The following NPAS3 variants were observed in gnomAD, a reference collection of about 807,000 sequenced individuals.
NPAS3 encodes neuronal PAS domain protein 3, also known as neuronal PAS domain-containing protein 3.
In NPAS3, 14 loss-of-function variants were observed where a neutral mutation model predicts 73.1. The observed-to-expected ratio is 0.19, with a 90% CI of 0.13 to 0.30. The LOEUF is 0.30. Ranked by LOEUF, NPAS3 falls within the 10% of genes least tolerant of loss-of-function variation. NPAS3 has a pLI of 1.00. For missense variants in NPAS3, 1,096 were observed against 1,250.0 expected (o/e 0.88, Z 1.86); for synonymous variants, 620 against 541.5 (o/e 1.14, Z -2.01).
exon 6 of NPAS3, chr14:33,676,324 C>G: frequency 6.2e-7 from 1 of 1,611,786 alleles, no homozygotes; most frequent in Admixed American, 1.7e-5. Context: ...TGTCACAGGG[C>G]ACTGCTGAGG....
intron 1 of NPAS3, among the ~76,000 whole-genome samples, chr14:32,998,171 A>G (rs980947651): frequency 5.9e-5 from 9 of 152,248 alleles, no homozygotes; most frequent in Non-Finnish European, 1.2e-4. Context: ...TGTGTTATAA[A>G]TGTACACTGG....
intron 9 of NPAS3, among the ~76,000 whole-genome samples, chr14:33,782,143 C>A (rs1037979659): frequency 2.0e-5 from 3 of 152,168 alleles, no homozygotes; most frequent in Admixed American, 2.0e-4. Context: ...CATTTAAAAC[C>A]AATTTCACCA....
chr14:33,609,568 G>T (rs1431035916), intron 5 of NPAS3, among the ~76,000 whole-genome samples: 1 of 151,702 alleles, frequency 6.6e-6, no homozygotes, highest in Non-Finnish European at 1.5e-5. Flanking sequence ...ACTGATGAAA[G>T]CAAACTAAGG....
intron 4 of NPAS3, among the ~76,000 whole-genome samples, chr14:33,439,304 T>C (rs554269569): frequency 2.0e-5 from 3 of 152,348 alleles, no homozygotes; most frequent in African/African-American, 7.2e-5. Flanking sequence ...GGACGTTTCA[T>C]ACTGTTCCCA....
intron 7 of NPAS3, among the ~76,000 whole-genome samples, chr14:33,746,171 T>TTTATTTA (rs747188281): frequency 5.1e-4 from 74 of 144,456 alleles, no homozygotes; most frequent in African/African-American, 1.8e-3. Flanking sequence ...TTTTATTTTA[T>TTTATTTA]TTTATTTATT....
At chr14:33,493,318 C>T (rs1231798065) in intron 4 of NPAS3, among the ~76,000 whole-genome samples, 7 of 149,980 alleles carry the variant, frequency 4.7e-5, no homozygotes, top group Non-Finnish European at 1.0e-4. Flanking sequence ...TGTTTGCTCT[C>T]TTAGTCTTTT....
chr14:33,490,523 G>C (rs1374386838), intron 4 of NPAS3, among the ~76,000 whole-genome samples: 1 of 152,284 alleles, frequency 6.6e-6, no homozygotes, highest in East Asian at 1.9e-4. Flanking sequence ...CTTGTTCAGA[G>C]ATGGTTAGAT....
At chr14:33,794,321 C>G (rs2063449271) in intron 10 of NPAS3, among the ~76,000 whole-genome samples, 1 of 152,178 alleles carries the variant, frequency 6.6e-6, no homozygotes, top group South Asian at 2.1e-4. Flanking sequence ...TTGGTTTTCC[C>G]ACAAATGCTT....
At chr14:33,653,688 A>G (rs1226297800) in intron 5 of NPAS3, among the ~76,000 whole-genome samples, 6 of 152,226 alleles carry the variant, frequency 3.9e-5, no homozygotes, top group Non-Finnish European at 7.3e-5. Context: ...AGGACTCACA[A>G]TCGTGAAGGT....
chr14:33,127,190 C>T (rs551208308), intron 2 of NPAS3, among the ~76,000 whole-genome samples: 15 of 151,886 alleles, frequency 9.9e-5, no homozygotes, highest in African/African-American at 3.1e-4. Flanking sequence ...TTTTTGCCAC[C>T]GTTGTCTTGT....
chr14:33,628,777 G>A (rs1304427863), intron 5 of NPAS3, among the ~76,000 whole-genome samples: 1 of 152,134 alleles, frequency 6.6e-6, no homozygotes, highest in Admixed American at 6.5e-5. Context: ...CCTTAAGCCT[G>A]GGCTCCTGGG....
intron 3 of NPAS3, among the ~76,000 whole-genome samples, chr14:33,292,690 A>C (rs1445236443): frequency 1.3e-5 from 2 of 152,176 alleles, no homozygotes; most frequent in Admixed American, 6.6e-5. Context: ...AAACAGATAA[A>C]GTAGAACTTC....
intron 1 of NPAS3, among the ~76,000 whole-genome samples, chr14:33,027,026 T>A (rs184446283): frequency 1.3e-3 from 196 of 152,266 alleles, no homozygotes; most frequent in Non-Finnish European, 2.3e-3. Context: ...GTGATGTGCT[T>A]CATGCCCTTC....
At position 33,523,534 on chromosome 14, in the gene NPAS3, A is replaced by G. The variant is rs193077539; in HGVS notation, c.469-36587A>G. Among the ~76,000 whole-genome samples the G allele has an allele frequency of 7.0e-3, 1,060 of 151,544 alleles. 43 individuals carry two copies. The highest frequency in any genetic ancestry group is 0.063 in the Admixed American group (959 of 15,206). On this transcript the variant is annotated intron_variant, in intron 4 of 11. Transcript: ENST00000356141. ...TCCCAGCACTTTGGGAGGCTGAGGC[A>G]GATGGATCACCTGAGGTCAGGAGTT...
At chr14:33,007,607 G>A (rs553822350) in intron 1 of NPAS3, among the ~76,000 whole-genome samples, 1 of 152,278 alleles carries the variant, frequency 6.6e-6, no homozygotes, top group South Asian at 2.1e-4. Flanking sequence ...TTGGTTTTTA[G>A]AAGCAAGTGC....
At chr14:33,055,664 T>TAA (rs531313481) in intron 1 of NPAS3, among the ~76,000 whole-genome samples, 92 of 145,758 alleles carry the variant, frequency 6.3e-4, no homozygotes, top group African/African-American at 2.2e-3. Flanking sequence ...CTCTGAGATT[T>TAA]AAAAAAAAAA....
rs111878878 is a variant in NPAS3, at chr14:33,465,763, T to C, written c.469-94358T>C. Among the ~76,000 whole-genome samples the C allele has an allele frequency of 3.5e-3, 540 of 152,282 alleles. 1 individual carries two copies. The highest frequency in any genetic ancestry group is 0.013 in the African/African-American group (524 of 41,554). On this transcript the variant is annotated intron_variant, in intron 4 of 11. Transcript: ENST00000356141. ...CAAAACATGCCTTTGATATTCAATT[T>C]ATTTATATTTTCCCTTGCTTTAATT...
At chr14:33,262,251 T>A (rs1223155776) in intron 3 of NPAS3, among the ~76,000 whole-genome samples, 1 of 152,212 alleles carries the variant, frequency 6.6e-6, no homozygotes, top group African/African-American at 2.4e-5. Flanking sequence ...AACTTTTGCC[T>A]AATTTTGTGT....
At chr14:33,747,964 G>A (rs1183042697) in intron 7 of NPAS3, among the ~76,000 whole-genome samples, 1 of 152,022 alleles carries the variant, frequency 6.6e-6, no homozygotes, top group Non-Finnish European at 1.5e-5. Context: ...GCTCCTTACT[G>A]TTCTTCATCA....
Sources: gnomAD v4.1 joint callset for allele counts (sites outside exome capture counted in the v4.1 genomes callset) on GRCh38, gnomAD v4.1.1 for gene constraint, MANE v1.5 for transcripts, NCBI Gene and HGNC (gene_info 2026-07-23, HGNC 2026-07-21) for gene names.